The following EXTL3 variants were observed in gnomAD, a reference collection of about 807,000 sequenced individuals.
EXTL3 encodes the protein exostosin like glycosyltransferase 3, also known as exostosin-like 3.
EXTL3 carries 27 observed loss-of-function variants against 69.3 expected under a neutral mutation model. The ratio of observed to expected loss-of-function variants is 0.39; its 90% CI spans 0.29 to 0.54. The LOEUF is 0.54. Among genes scored for constraint, EXTL3 ranks in the 20% least tolerant of loss-of-function variants. The pLI, the probability that EXTL3 is intolerant of heterozygous loss-of-function variation, is 0.69. For missense variants in EXTL3, 1,003 were observed against 1,231.8 expected (o/e 0.81, Z 2.78); for synonymous variants, 511 against 499.4 (o/e 1.02, Z -0.31).
intron 1 of EXTL3, among the ~76,000 whole-genome samples, chr8:28,640,587 C>A (rs1316749498): frequency 6.6e-6 from 1 of 152,142 alleles, no homozygotes; most frequent in Non-Finnish European, 1.5e-5. Flanking sequence ...CTTTTATTAG[C>A]ACTTTTATGT....
rs560420727 is a variant in EXTL3 at position 28,716,642 on chromosome 8, C to G, written c.583C>G (p.Pro195Ala). Residue 195 changes from proline to alanine, a missense_variant, in exon 3 of 7, where the codon CCG (proline) becomes GCG (alanine). Pro to Ala is a conservative substitution (Grantham distance 27). Transcript: ENST00000220562. This position sits in a 1 kb window ranked among gnomAD's most constrained non-coding sequence, Gnocchi z 7.1. Reference protein sequence around the residue: ...YSRCPLTSGFPVYVYDSDQFV... With the variant: ...YSRCPLTSGFAVYVYDSDQFV... ...TCGTTGCCCTCTCACCTCTGGCTTC[C>G]CGGTCTACGTCTATGACAGTGACCA... 3 of 1,614,216 alleles carry G rather than the reference C, an allele frequency of 1.9e-6. No individual in the cohort carries two copies. Among genetic ancestry groups the G allele is most frequent in the African/African-American group, 2.7e-5 (2 of 75,044 alleles).
chr8:28,743,321 C>T lies in EXTL3; in HGVS notation c.2550+107C>T, dbSNP rs1469230145. The T allele has an allele frequency of 7.1e-6, 9 of 1,269,666 alleles. 1 individual carries two copies. Among genetic ancestry groups the T allele is most frequent in the South Asian group, 4.8e-5 (4 of 83,694 alleles). The allele number at this position is 1,269,666 out of a possible 1,614,324, so 78.7% of individuals were successfully genotyped here. A position where few individuals can be genotyped will look rare whatever the true frequency, so the allele number is the denominator to read the frequency against. ...CTGTACCTCAGAGTCCTCATTTGTA[C>T]AATAGGGATGATACTACCTACCTCA... On this transcript the variant is annotated intron_variant, in intron 6 of 6. Transcript: ENST00000220562.
chr8:28,740,824 AAAT>A (rs1413500701), intron 5 of EXTL3: 10 of 152,364 alleles, frequency 6.6e-5, no homozygotes, highest in South Asian at 6.2e-4. Flanking sequence ...CAAAACTTTA[AAAT>A]AATGTGATCA....
At chr8:28,675,860 A>G (rs527431178) in intron 1 of EXTL3, among the ~76,000 whole-genome samples, 1 of 152,072 alleles carries the variant, frequency 6.6e-6, no homozygotes, top group Admixed American at 6.6e-5. Context: ...CATCTCTACT[A>G]AAAATACAAA....
intron 1 of EXTL3, among the ~76,000 whole-genome samples, chr8:28,672,121 A>T (rs539239521): frequency 3.3e-5 from 5 of 152,134 alleles, no homozygotes; most frequent in African/African-American, 1.2e-4. Flanking sequence ...TTTCCTTAGA[A>T]TATGGTTTTC....
chr8:28,646,307 AC>A (rs1806829588), intron 1 of EXTL3, among the ~76,000 whole-genome samples: 1 of 152,246 alleles, frequency 6.6e-6, no homozygotes. Flanking sequence ...CATTTCTTTT[AC>A]TTTCTTGCGT....
chr8:28,713,333 CA>C (rs1450554162), intron 1 of EXTL3, 123 bp from the exon 2 acceptor site: 2 of 583,784 alleles, frequency 3.4e-6, no homozygotes, highest in Non-Finnish European at 6.0e-6. Context: ...ACCTCATGTA[CA>C]TAAGAGAAAT....
chr8:28,656,906 T>C (rs1293038489), intron 1 of EXTL3, among the ~76,000 whole-genome samples: 1 of 152,058 alleles, frequency 6.6e-6, no homozygotes, highest in African/African-American at 2.4e-5. Flanking sequence ...TCTTTCTTTC[T>C]TTCTTCACAC....
At chr8:28,736,235 G>T (rs886918028) in intron 4 of EXTL3, among the ~76,000 whole-genome samples, 9 of 152,188 alleles carry the variant, frequency 5.9e-5, no homozygotes, top group Non-Finnish European at 1.0e-4. Context: ...GATAGAAGTT[G>T]TGATTTCTCC....
intron 1 of EXTL3, among the ~76,000 whole-genome samples, chr8:28,671,309 G>GTTTTT (rs749395423): frequency 2.0e-4 from 18 of 89,622 alleles, no homozygotes; most frequent in Non-Finnish European, 3.6e-4. Context: ...TTTGTTTTTT[G>GTTTTT]TTTTTTTTTT....
intron 5 of EXTL3, chr8:28,740,943 A>C (rs1003598035): frequency 6.6e-6 from 1 of 152,038 alleles, no homozygotes; most frequent in African/African-American, 2.4e-5. Flanking sequence ...TCTGTTTCTA[A>C]ATTAAACTTT....
At chr8:28,735,427 T>G (rs1341788585) in intron 4 of EXTL3, among the ~76,000 whole-genome samples, 1 of 152,194 alleles carries the variant, frequency 6.6e-6, no homozygotes, top group Admixed American at 6.5e-5. Flanking sequence ...AGGGACTTCT[T>G]ACCTTGCCCG....
At chr8:28,641,532 A>G (rs529950533) in intron 1 of EXTL3, among the ~76,000 whole-genome samples, 2 of 152,314 alleles carry the variant, frequency 1.3e-5, no homozygotes, top group South Asian at 4.1e-4. Flanking sequence ...GCTGGAGTGC[A>G]GTGGCATAAT....
intron 1 of EXTL3, among the ~76,000 whole-genome samples, chr8:28,663,926 T>C (rs1807154973): frequency 6.6e-6 from 1 of 152,160 alleles, no homozygotes; most frequent in African/African-American, 2.4e-5. Flanking sequence ...GGCTGCTCAG[T>C]TAGACAGGCG....
intron 3 of EXTL3, among the ~76,000 whole-genome samples, chr8:28,722,398 A>G (rs149129684): frequency 2.0e-5 from 3 of 152,358 alleles, no homozygotes; most frequent in East Asian, 3.9e-4. Flanking sequence ...GAACCAGTTC[A>G]GAGATCAGCA....
chr8:28,722,610 TACAAAA>T (rs2130752371), intron 3 of EXTL3, among the ~76,000 whole-genome samples: 1 of 151,792 alleles, frequency 6.6e-6, no homozygotes, highest in South Asian at 2.1e-4. Flanking sequence ...ACCCCATCTC[TACAAAA>T]AAATAGAAAA....
At chr8:28,671,902 G>C (rs1393239330) in intron 1 of EXTL3, among the ~76,000 whole-genome samples, 1 of 152,174 alleles carries the variant, frequency 6.6e-6, no homozygotes, top group African/African-American at 2.4e-5. Context: ...TCATTTGGGA[G>C]GCTAAGGCAG....
At chr8:28,611,562 T>C (rs550605294) in intron 2 of EXTL3, among the ~76,000 whole-genome samples, 1 of 152,318 alleles carries the variant, frequency 6.6e-6, no homozygotes, top group African/African-American at 2.4e-5. Context: ...ACTTTGAATC[T>C]TACTGTAGCT....
At chr8:28,733,560 ATTTT>A (rs1171341000) in intron 4 of EXTL3, among the ~76,000 whole-genome samples, 1 of 129,934 alleles carries the variant, frequency 7.7e-6, no homozygotes, top group African/African-American at 2.9e-5. Flanking sequence ...TAATCTTTAC[ATTTT>A]TTTTTTTTTT....
Sources: allele counts gnomAD v4.1 joint callset (sites outside exome capture counted in the v4.1 genomes callset), GRCh38; gene constraint gnomAD v4.1.1; non-coding constraint Gnocchi (gnomAD v3.1); transcripts MANE v1.5; gene names NCBI Gene and HGNC (gene_info 2026-07-23, HGNC 2026-07-21).